Variants in ADGRB1 observed in about 807,000 individuals in gnomAD.
The protein encoded by ADGRB1 is brain-specific angiogenesis inhibitor 1.
Under a neutral mutation model 175.7 loss-of-function variants are expected in ADGRB1, and 36 were observed. The observed-to-expected ratio is 0.20, with a 90% CI of 0.16 to 0.27. The LOEUF is 0.27. Ranked by LOEUF, ADGRB1 falls within the 10% of genes least tolerant of loss-of-function variation. The pLI, the probability that ADGRB1 is intolerant of heterozygous loss-of-function variation, is 1.00. For missense variants in ADGRB1, 1,731 were observed against 2,255.3 expected (o/e 0.77, Z 4.71); for synonymous variants, 1,054 against 979.4 (o/e 1.08, Z -1.42).
At chr8:142,506,246 G>A (rs1164281245) in intron 17 of ADGRB1, among the ~76,000 whole-genome samples, 3 of 152,220 alleles carry the variant, frequency 2.0e-5, no homozygotes, top group South Asian at 4.1e-4. Context: ...AGAGGGGTGG[G>A]CAGTGGCTGG....
chr8:142,542,457 C>T lies in ADGRB1; in HGVS notation c.4223C>T (p.Pro1408Leu), dbSNP rs1489096906. 7.3e-7 allele frequency: 1 copy of T among 1,377,132 alleles called. No individual in the cohort carries two copies. Among genetic ancestry groups the T allele is most frequent in the Admixed American group, 3.0e-5 (1 of 32,974 alleles). The allele number at this position is 1,377,132 out of a possible 1,614,324, so 85.3% of individuals were successfully genotyped here. The change falls in exon 28 of 31, where the codon CCT (proline) becomes CTT (leucine). Residue 1408 changes from proline to leucine, a missense_variant. This residue lies in a region of ADGRB1 where 394 missense variants were observed against 410.2 expected (regional missense o/e 0.96). Transcript: ENST00000517894. The surrounding 1 kb of genome is among the most constrained non-coding windows in gnomAD (Gnocchi z 6.3). ...AGCGGCGGGCCCCCCGAGGCACCCC[C>T]TGCCCAGCCCCCACCGCCTCCGCCC... ...PPSGGPPEAP[P>L]AQPPPPPPPP...
chr8:142,464,203 G>C lies in ADGRB1; in HGVS notation c.5G>C (p.Arg2Thr). 7.8e-7 allele frequency: 1 copy of C among 1,277,906 alleles called. No homozygotes were observed. Among genetic ancestry groups the C allele is most frequent in the Non-Finnish European group, 9.8e-7 (1 of 1,017,852 alleles). The allele number at this position is 1,277,906 out of a possible 1,614,324, so 79.2% of individuals were successfully genotyped here. Residue 2 changes from arginine to threonine, a missense_variant, in exon 2 of 31, where the codon AGG becomes ACG. Arg to Thr is a moderately conservative substitution (Grantham distance 71). This residue lies in a region of ADGRB1 where 383 missense variants were observed against 383.1 expected (regional missense o/e 1.00). Coordinates refer to ENST00000517894, the MANE Select transcript of ADGRB1 (RefSeq NM_001702.3). M[R>T]GQAAAPGPVW... is the part of the protein sequence containing the mutation. ...CCGGCGGCCCCGCGAGCTAGGATGAGGGGCCAGGCCGCCGCCCCGGGCCCC... is the reference window on the plus strand; with the variant it reads ...CCGGCGGCCCCGCGAGCTAGGATGACGGGCCAGGCCGCCGCCCCGGGCCCC...
chr8:142,487,243 C>T (rs1841714663), intron 13 of ADGRB1, among the ~76,000 whole-genome samples: 1 of 152,188 alleles, frequency 6.6e-6, no homozygotes. Context: ...CCTCCCACCC[C>T]TTCGCCTGCT....
At position 142,511,098 on chromosome 8, in the gene ADGRB1, GAGGGGCGCCGGGC is replaced by G. The variant is rs1223415673; in HGVS notation, c.2817+34_2817+46del. The stretch of plus-strand genomic sequence containing the variant: ...GGTGAGACCCCGGCCGGGCCGGCGG[GAGGGGCGCCGGGC>G]AGGGGCGCGGGCGGGGGCTGCCGGC... On this transcript the variant is annotated intron_variant, in intron 18 of 30. Coordinates refer to ENST00000517894, the MANE Select transcript of ADGRB1 (RefSeq NM_001702.3). This position sits in a 1 kb window ranked among gnomAD's most constrained non-coding sequence, Gnocchi z 4.5. The G allele has an allele frequency of 1.8e-6, 2 of 1,086,826 alleles. No individual in the cohort carries two copies. The highest frequency in any genetic ancestry group is 2.2e-6 in the Non-Finnish European group (2 of 896,038). The allele number at this position is 1,086,826 out of a possible 1,614,324, so 67.3% of individuals were successfully genotyped here.
At chr8:142,528,003 C>T (rs1370044539) in intron 24 of ADGRB1, among the ~76,000 whole-genome samples, 1 of 152,226 alleles carries the variant, frequency 6.6e-6, no homozygotes, top group Non-Finnish European at 1.5e-5. Context: ...GCGTTAGGTG[C>T]ACACAGCCCA....
chr8:142,541,863 C>G, intron 27 of ADGRB1, 78 bp from the exon 28 acceptor site: 1 of 1,406,158 alleles, frequency 7.1e-7, no homozygotes, highest in Non-Finnish European at 9.5e-7. Context: ...CAGACTGGGC[C>G]CCTCTCCTGC....
In ADGRB1 at chr8:142,539,376, C is replaced by A. The variant is rs762780472; in HGVS notation, c.3669C>A (p.Thr1223=). 1.3e-6 allele frequency: 2 copies of A among 1,590,918 alleles called. No individual in the cohort carries two copies. Among genetic ancestry groups the A allele is most frequent in the Admixed American group, 1.8e-5 (1 of 56,634 alleles). Residue 1223 remains threonine, a splice_region_variant and synonymous_variant, in exon 27 of 31, where the codon ACC becomes ACA. Transcript: ENST00000517894. ...GCCCTGTTGTCTCTGTCCTACAGAC[C>A]GACTTCGAGAAGGACGTGGATCTGG... ...SFQNGHAQLM[T]DFEKDVDLAC... is the part of the protein sequence containing the mutation.
chr8:142,519,841 T>C (rs1488795099), intron 19 of ADGRB1, among the ~76,000 whole-genome samples: 1 of 150,806 alleles, frequency 6.6e-6, no homozygotes, highest in Non-Finnish European at 1.5e-5. Context: ...GTGATGGTGG[T>C]AGTGATGGTA....
Position 142,522,106 on chromosome 8 carries a change from C to T in ADGRB1, c.3166C>T (p.Leu1056=), listed in dbSNP as rs1843885503. Residue 1056 remains leucine, a synonymous_variant, in exon 21 of 31, where the codon CTG becomes TTG. Transcript: ENST00000517894. ...NRLIRKRFLC[L]GWGLPALVVA... Reference sequence around the variant, plus strand: ...CCTCATCCGCAAGCGCTTCCTCTGCCTGGGCTGGGGTGAGCCGCGGCCTTC... The same window carrying T: ...CCTCATCCGCAAGCGCTTCCTCTGCTTGGGCTGGGGTGAGCCGCGGCCTTC... 1.9e-6 allele frequency: 3 copies of T among 1,609,882 alleles called. No homozygotes were observed. The highest frequency in any genetic ancestry group is 2.5e-6 in the Non-Finnish European group (3 of 1,179,686).
rs1235699222 is a variant in ADGRB1, at chr8:142,542,410, C to A, written c.4176C>A (p.Ser1392Arg). The change falls in exon 28 of 31, where the codon AGC becomes AGA. Residue 1392 changes from serine to arginine, a missense_variant. Ser to Arg is a moderately radical substitution (Grantham distance 110, BLOSUM62 -1). Around this residue, in one of 8 missense-constraint regions of ADGRB1, gnomAD observed 394 missense variants for 410.2 expected, o/e 0.96. Transcript: ENST00000517894. The surrounding 1 kb of genome is among the most constrained non-coding windows in gnomAD (Gnocchi z 6.3). Reference sequence around the variant, plus strand: ...CCGAGGCCAGCCTCCCCGCCCGCAGCCCGCCCTCCCGCCAGCCCCCCAGCG... The same window carrying A: ...CCGAGGCCAGCCTCCCCGCCCGCAGACCGCCCTCCCGCCAGCCCCCCAGCG... ...TAPEASLPAR[S>R]PPSRQPPSGG... is the part of the protein sequence containing the mutation. The A allele has an allele frequency of 6.5e-7, 1 of 1,537,818 alleles. No individual in the cohort carries two copies. Among genetic ancestry groups the A allele is most frequent in the Admixed American group, 2.0e-5 (1 of 50,508 alleles).
At chr8:142,505,498 A>C (rs1458302761) in intron 17 of ADGRB1, among the ~76,000 whole-genome samples, 1 of 151,738 alleles carries the variant, frequency 6.6e-6, no homozygotes, top group African/African-American at 2.4e-5. Flanking sequence ...ACTGGGGCTG[A>C]GGGCGACGTG....
At chr8:142,529,804 G>A (rs1483541984) in intron 24 of ADGRB1, among the ~76,000 whole-genome samples, 4 of 151,006 alleles carry the variant, frequency 2.6e-5, no homozygotes, top group African/African-American at 9.7e-5. Flanking sequence ...ACCTGTGAGT[G>A]TGCATCTGTG....
intron 1 of ADGRB1, among the ~76,000 whole-genome samples, chr8:142,462,434 C>T (rs1048648157): frequency 1.3e-5 from 2 of 152,180 alleles, no homozygotes; most frequent in African/African-American, 2.4e-5. Flanking sequence ...GAGATGTGTC[C>T]GAGGCCACTG....
intron 27 of ADGRB1, 57 bp from the exon 28 acceptor site, chr8:142,541,883 TC>T: frequency 6.8e-7 from 1 of 1,476,806 alleles, no homozygotes; most frequent in East Asian, 2.5e-5. Flanking sequence ...CTGGGGACTG[TC>T]CTACGCCATC....
chr8:142,511,991 G>A lies in ADGRB1; in HGVS notation c.2817+918G>A, dbSNP rs949472322. 3.9e-5 allele frequency among the ~76,000 whole-genome samples: 6 copies of A among 152,232 alleles called. No homozygotes were observed. Among genetic ancestry groups the A allele is most frequent in the Admixed American group, 2.6e-4 (4 of 15,290 alleles). On this transcript the variant is annotated intron_variant, in intron 18 of 30. Coordinates refer to ENST00000517894, the MANE Select transcript of ADGRB1 (RefSeq NM_001702.3). This position sits in a 1 kb window ranked among gnomAD's most constrained non-coding sequence, Gnocchi z 4.5. ...CTGGCCCTTGGGGAACCCCGGGTTC[G>A]ATGTAGAAGGTAGCGCCTAGCCTCT...
chr8:142,518,019 C>G (rs1264904853), intron 18 of ADGRB1, 119 bp from the exon 19 acceptor site: 2 of 875,948 alleles, frequency 2.3e-6, no homozygotes, highest in East Asian at 5.2e-5. Context: ...GGAGGAGGGG[C>G]TGGGCCAAAC....
rs559009819 is a variant in ADGRB1 at position 142,487,251 on chromosome 8, G to T, written c.2309-1113G>T. Among the ~76,000 whole-genome samples the T allele has an allele frequency of 4.6e-5, 7 of 152,174 alleles. No homozygotes were observed. In the South Asian group the frequency reaches 1.5e-3, roughly 32 times the overall value. On this transcript the variant is annotated intron_variant, in intron 13 of 30. Transcript: ENST00000517894. ...TGTCCAGCCTCCCACCCCTTCGCCTGCTCCAGGGTGCTGCTCCAGCGTCCG... is the reference window on the plus strand; with the variant it reads ...TGTCCAGCCTCCCACCCCTTCGCCTTCTCCAGGGTGCTGCTCCAGCGTCCG...
intron 17 of ADGRB1, among the ~76,000 whole-genome samples, chr8:142,502,408 G>A (rs1160690155): frequency 1.6e-4 from 23 of 139,768 alleles, no homozygotes; most frequent in African/African-American, 2.1e-4. Flanking sequence ...GATGGTGGTG[G>A]TGGTGGTGGT....
chr8:142,453,622 C>T (rs1839490586), intron 1 of ADGRB1, among the ~76,000 whole-genome samples: 1 of 152,210 alleles, frequency 6.6e-6, no homozygotes, highest in Non-Finnish European at 1.5e-5. Context: ...GTGGCACTCA[C>T]TAGACGCGTG....
Sources: gnomAD v4.1 joint callset for allele counts (sites outside exome capture counted in the v4.1 genomes callset) on GRCh38, gnomAD v4.1.1 for gene constraint, gnomAD v4.1.1 regional missense constraint, Gnocchi (gnomAD v3.1) non-coding constraint, MANE v1.5 for transcripts, NCBI Gene and HGNC (gene_info 2026-07-23, HGNC 2026-07-21) for gene names.